Variants in LRRC4C observed in about 807,000 individuals in gnomAD.
LRRC4C encodes the protein leucine-rich repeat-containing protein 4C.
LRRC4C carries 5 observed loss-of-function variants against 33.6 expected under a neutral mutation model. The ratio of observed to expected loss-of-function variants is 0.15; its 90% CI spans 0.08 to 0.31. The LOEUF (loss-of-function observed/expected upper bound fraction) is 0.31, where lower values mean the gene tolerates loss of function less well. Ranked by LOEUF, LRRC4C falls within the 10% of genes least tolerant of loss-of-function variation. The pLI is 1.00. For synonymous variants in LRRC4C, 329 were observed against 302.0 expected (o/e 1.09, Z -0.93); for missense variants, 560 against 796.7 (o/e 0.70, Z 3.58).
At chr11:41,160,198 A>C (rs1337808782) in intron 1 of LRRC4C, among the ~76,000 whole-genome samples, 1 of 152,100 alleles carries the variant, frequency 6.6e-6, no homozygotes, top group African/African-American at 2.4e-5. Context: ...ATTCATCAAC[A>C]TACAAGTTAA....
intron 3 of LRRC4C, among the ~76,000 whole-genome samples, chr11:40,378,634 A>G (rs929727003): frequency 1.3e-5 from 2 of 152,056 alleles, no homozygotes; most frequent in African/African-American, 4.8e-5. Context: ...CATGATATGT[A>G]TTGTTCAGTG....
chr11:40,559,181 C>CTTTTTTTTTTTTTTTTTTTTTT (rs71060968), intron 3 of LRRC4C, among the ~76,000 whole-genome samples: 1 of 124,660 alleles, frequency 8.0e-6, no homozygotes. Context: ...TTGCATGCGT[C>CTTTTTTTTTTTTTTTTTTTTTT]TTTTTTTTTT....
intron 5 of LRRC4C, among the ~76,000 whole-genome samples, chr11:40,209,387 T>G (rs1033038697): frequency 1.3e-5 from 2 of 152,236 alleles, no homozygotes; most frequent in East Asian, 3.9e-4. Context: ...ACACACATTT[T>G]ACTTAGTAAT....
At chr11:40,152,159 C>A (rs1321318656) in intron 5 of LRRC4C, among the ~76,000 whole-genome samples, 1 of 152,172 alleles carries the variant, frequency 6.6e-6, no homozygotes, top group East Asian at 1.9e-4. Context: ...GAAGGGGAGA[C>A]CCTCCTCTCC....
Position 40,114,872 on chromosome 11 carries a change from T to C in LRRC4C, c.1421A>G (p.Asn474Ser). The change falls in exon 7 of 7, where the codon AAC (asparagine) becomes AGC (serine). Residue 474 changes from asparagine to serine, a missense_variant. Physicochemically the swap from Asn to Ser is conservative, Grantham distance 46. Coordinates refer to ENST00000528697, the MANE Select transcript of LRRC4C (RefSeq NM_001258419.2). The stretch of plus-strand genomic sequence containing the variant: ...GACCACTGGAGTGGGACCCACATTG[T>C]TATCTGTGGTCCGTGCCTCATCCTG... The part of the protein sequence containing the change: ...PSQDEARTTD[N>S]NVGPTPVVDW... The C allele has an allele frequency of 6.2e-7, 1 of 1,614,162 alleles. No individual in the cohort carries two copies. Among genetic ancestry groups the C allele is most frequent in the Non-Finnish European group, 8.5e-7 (1 of 1,180,026 alleles).
At chr11:40,423,402 T>C (rs898737896) in intron 3 of LRRC4C, among the ~76,000 whole-genome samples, 7 of 141,634 alleles carry the variant, frequency 4.9e-5, no homozygotes, top group African/African-American at 1.6e-4. Flanking sequence ...TGGAGTGCAG[T>C]GGCGCCATCT....
chr11:40,823,881 G>A (rs896968064), intron 2 of LRRC4C, among the ~76,000 whole-genome samples: 1 of 151,766 alleles, frequency 6.6e-6, no homozygotes, highest in African/African-American at 2.4e-5. Flanking sequence ...TCTACACAAT[G>A]TTCATAGCAG....
chr11:40,438,114 G>A (rs541079587), intron 3 of LRRC4C, among the ~76,000 whole-genome samples: 10 of 152,316 alleles, frequency 6.6e-5, no homozygotes, highest in South Asian at 2.1e-4. Flanking sequence ...TCTCCTGTCA[G>A]CACACTGTGA....
chr11:41,030,677 C>A (rs956860740), intron 1 of LRRC4C, among the ~76,000 whole-genome samples: 1 of 151,814 alleles, frequency 6.6e-6, no homozygotes. Context: ...TTTCTACCAT[C>A]GTGTTTGATT....
intron 5 of LRRC4C, among the ~76,000 whole-genome samples, chr11:40,165,100 G>C (rs1859474400): frequency 6.6e-6 from 1 of 152,150 alleles, no homozygotes; most frequent in Non-Finnish European, 1.5e-5. Context: ...CTTGACAAAA[G>C]CATGATAGCA....
At chr11:40,972,309 G>GT (rs1289130192) in intron 1 of LRRC4C, among the ~76,000 whole-genome samples, 2 of 151,864 alleles carry the variant, frequency 1.3e-5, no homozygotes, top group Non-Finnish European at 2.9e-5. Flanking sequence ...GCTAATTTTT[G>GT]TATTTTTAGT....
At chr11:41,394,585 A>G (rs1380171804) in intron 1 of LRRC4C, 1 of 151,988 alleles carries the variant, frequency 6.6e-6, no homozygotes, top group African/African-American at 2.4e-5. Flanking sequence ...CCTTGTGGTA[A>G]AAAACACCAA....
At chr11:40,744,833 G>T (rs1948336132) in intron 2 of LRRC4C, among the ~76,000 whole-genome samples, 1 of 151,988 alleles carries the variant, frequency 6.6e-6, no homozygotes, top group African/African-American at 2.4e-5. Flanking sequence ...AAAATTTTTT[G>T]GAAGGGTTTA....
chr11:40,643,811 C>G (rs1461873214), intron 3 of LRRC4C, among the ~76,000 whole-genome samples: 2 of 152,122 alleles, frequency 1.3e-5, no homozygotes, highest in African/African-American at 2.4e-5. Flanking sequence ...AAAACATGAG[C>G]TTCTACCTCC....
At chr11:41,149,738 C>T (rs1198375136) in intron 1 of LRRC4C, among the ~76,000 whole-genome samples, 1 of 151,966 alleles carries the variant, frequency 6.6e-6, no homozygotes. Flanking sequence ...AGCTCTATAA[C>T]CTTGAGTGCT....
At chr11:40,846,361 T>A (rs1430746988) in intron 2 of LRRC4C, among the ~76,000 whole-genome samples, 2 of 152,136 alleles carry the variant, frequency 1.3e-5, no homozygotes, top group African/African-American at 2.4e-5. Context: ...TTGTATGAGG[T>A]GTAAGGAAGG....
intron 6 of LRRC4C, among the ~76,000 whole-genome samples, chr11:40,132,237 A>G (rs748349766): frequency 4.6e-5 from 7 of 152,172 alleles, no homozygotes; most frequent in Admixed American, 2.0e-4. Flanking sequence ...TACATTTACA[A>G]CCTTCTCATA....
chr11:40,551,025 G>A (rs1957109259), intron 3 of LRRC4C, among the ~76,000 whole-genome samples: 1 of 151,906 alleles, frequency 6.6e-6, no homozygotes, highest in African/African-American at 2.4e-5. Context: ...CCCACGCAGG[G>A]GAAGATTAAA....
intron 1 of LRRC4C, among the ~76,000 whole-genome samples, chr11:41,003,859 A>G (rs1170299283): frequency 6.6e-6 from 1 of 152,058 alleles, no homozygotes; most frequent in African/African-American, 2.4e-5. Flanking sequence ...TGTTTTATGC[A>G]TGAGATTCCT....
Sources: gnomAD v4.1 joint callset for allele counts (sites outside exome capture counted in the v4.1 genomes callset) on GRCh38, gnomAD v4.1.1 for gene constraint, MANE v1.5 for transcripts, NCBI Gene and HGNC (gene_info 2026-07-23, HGNC 2026-07-21) for gene names.